LRPPRC: variants seen among roughly 807,000 people sequenced by gnomAD.
The protein encoded by LRPPRC is leucine-rich PPR motif-containing protein, mitochondrial.
A neutral mutation model predicts 180.3 loss-of-function variants in LRPPRC; 120 were observed. The observed-to-expected ratio is 0.67, with a 90% CI of 0.57 to 0.77. The LOEUF (loss-of-function observed/expected upper bound fraction) is 0.77, where lower values mean the gene tolerates loss of function less well. Among genes scored for constraint, LRPPRC ranks in the 30% least tolerant of loss-of-function variants. The pLI is 0.00. For missense variants in LRPPRC, 2,012 were observed against 1,657.2 expected (o/e 1.21, Z -3.72); for synonymous variants, 723 against 600.0 (o/e 1.21, Z -3.00).
intron 1 of LRPPRC, among the ~76,000 whole-genome samples, chr2:43,994,135 T>C (rs951743522): frequency 2.6e-5 from 4 of 151,816 alleles, no homozygotes; most frequent in African/African-American, 9.7e-5. Context: ...AAAATAAGAG[T>C]AATGGGCACA....
chr2:43,966,196 C>T (rs1171297366), intron 11 of LRPPRC, among the ~76,000 whole-genome samples: 1 of 151,550 alleles, frequency 6.6e-6, no homozygotes, highest in East Asian at 1.9e-4. Context: ...TGAAATAAGC[C>T]AGATACAGAA....
chr2:43,974,649 A>G lies in LRPPRC; in HGVS notation c.974T>C (p.Leu325Ser). 1 of 1,609,472 alleles carries G rather than the reference A, an allele frequency of 6.2e-7. No homozygotes were observed. The highest frequency in any genetic ancestry group is 1.1e-5 in the South Asian group (1 of 90,908). The change falls in exon 8 of 38, where the codon TTG (leucine) becomes TCG (serine). Residue 325 changes from leucine to serine, a missense_variant. Transcript: ENST00000260665. The part of the protein sequence containing the change: ...AGYPQYVSEI[L>S]EKVTCERRYI... ...TCTTCTTTCACATGTAACTTTTTCC[A>G]AAATTTCTGAGACATACTGAGGATA...
chr2:43,958,797 C>T (rs1673224068), intron 13 of LRPPRC, among the ~76,000 whole-genome samples: 1 of 152,124 alleles, frequency 6.6e-6, no homozygotes, highest in Non-Finnish European at 1.5e-5. Flanking sequence ...TAAGAGCTGC[C>T]TGAAGCACGT....
intron 14 of LRPPRC, among the ~76,000 whole-genome samples, chr2:43,950,833 G>A (rs1030278548): frequency 6.6e-6 from 1 of 152,212 alleles, no homozygotes; most frequent in Non-Finnish European, 1.5e-5. Flanking sequence ...ACTTTGGGAG[G>A]CCAAGGCAGG....
chr2:43,986,703 A>C (rs1380987782), intron 1 of LRPPRC, among the ~76,000 whole-genome samples: 2 of 97,748 alleles, frequency 2.0e-5, no homozygotes, highest in Non-Finnish European at 4.1e-5. Context: ...AGACGGTCTC[A>C]TTCTGAGACG....
chr2:43,952,120 G>T (rs766762637), intron 14 of LRPPRC, among the ~76,000 whole-genome samples: 12 of 152,140 alleles, frequency 7.9e-5, no homozygotes, highest in Non-Finnish European at 1.8e-4. Context: ...TTGAACCCGG[G>T]AGGCGGAGGT....
intron 14 of LRPPRC, among the ~76,000 whole-genome samples, chr2:43,955,734 T>G (rs1203493626): frequency 6.6e-6 from 1 of 151,852 alleles, no homozygotes; most frequent in Non-Finnish European, 1.5e-5. Flanking sequence ...CGAGACCCTA[T>G]CTCAAAAAAA....
In LRPPRC at chr2:43,899,559, A is replaced by T. The variant is rs745745081; in HGVS notation, c.3616T>A (p.Ser1206Thr). Residue 1206 changes from serine to threonine, a missense_variant, in exon 33 of 38, where the codon TCA (serine) becomes ACA (threonine). Coordinates refer to ENST00000260665, the MANE Select transcript of LRPPRC (RefSeq NM_133259.4). ...AIENIENMLT[S>T]ENKVIEPQYF... is the part of the protein sequence containing the mutation. ...TGGGGTTCAATGACTTTATTCTCTG[A>T]AGTAAGCATATTTTCAATGTTTTCT... 9.3e-6 allele frequency: 15 copies of T among 1,610,204 alleles called. No homozygotes were observed. In the Admixed American group the frequency reaches 1.0e-4, roughly 11 times the overall value.
At chr2:43,935,704 A>C (rs1249603366) in intron 23 of LRPPRC, among the ~76,000 whole-genome samples, 1 of 152,202 alleles carries the variant, frequency 6.6e-6, no homozygotes, top group South Asian at 2.1e-4. Context: ...ATTTACTTTA[A>C]CCCTGTCTTT....
chr2:43,893,991 G>A (rs1031433363), intron 36 of LRPPRC, among the ~76,000 whole-genome samples: 2 of 152,132 alleles, frequency 1.3e-5, no homozygotes, highest in Non-Finnish European at 2.9e-5. Flanking sequence ...GGAAACTTTA[G>A]ACAATTTCCT....
chr2:43,918,415 A>G lies in LRPPRC; in HGVS notation c.2897-17T>C. 1 of 1,578,668 alleles carries G rather than the reference A, an allele frequency of 6.3e-7. No homozygotes were observed. The highest frequency in any genetic ancestry group is 8.7e-7 in the Non-Finnish European group (1 of 1,148,300). On this transcript the variant is annotated splice_polypyrimidine_tract_variant and intron_variant, in intron 27 of 37. Transcript: ENST00000260665. ...CGTTTATTTCTGTAGAATTTGATTA[A>G]GCAGAAATTAATCAATAAATATGCT...
At chr2:43,894,503 G>T (rs1670610734) in intron 36 of LRPPRC, 42 bp downstream of exon 36, 3 of 943,454 alleles carry the variant, frequency 3.2e-6, no homozygotes, top group African/African-American at 3.3e-5. Context: ...AAATAATAAA[G>T]CCATTTAAAT....
At chr2:43,963,887 TTTC>T (rs1216420022) in intron 11 of LRPPRC, 181 bp from the exon 12 acceptor site, 2 of 619,204 alleles carry the variant, frequency 3.2e-6, no homozygotes, top group African/African-American at 1.8e-5. Flanking sequence ...TAACTCCTCC[TTTC>T]TTCATCCCCC....
rs753777454 is a variant in LRPPRC at position 43,948,438 on chromosome 2, G to C, written c.1816C>G (p.Gln606Glu). Residue 606 changes from glutamine (Q) to glutamate (E), a missense_variant, in exon 17 of 38, where the codon CAA becomes GAA. Coordinates refer to ENST00000260665, the MANE Select transcript of LRPPRC (RefSeq NM_133259.4). ...EVQAKEEHLR[Q>E]YFHQLEKMNV... ...ATCTTCTCCAGCTGATGGAAGTATT[G>C]TCTCAAATGCTCCTCCTTGGCCTGT... is the stretch of plus-strand genomic sequence containing the variant. 2 of 1,612,130 alleles carry C rather than the reference G, an allele frequency of 1.2e-6. No homozygotes were observed. Among genetic ancestry groups the C allele is most frequent in the Non-Finnish European group, 1.7e-6 (2 of 1,178,362 alleles).
chr2:43,937,695 T>G (rs1672325328), intron 23 of LRPPRC, among the ~76,000 whole-genome samples: 1 of 152,172 alleles, frequency 6.6e-6, no homozygotes, highest in Admixed American at 6.5e-5. Flanking sequence ...CTCAAGGACA[T>G]TTGGGTTCCC....
At chr2:43,979,631 T>C (rs1674215394) in intron 3 of LRPPRC, among the ~76,000 whole-genome samples, 195 bp downstream of exon 3, 2 of 152,226 alleles carry the variant, frequency 1.3e-5, no homozygotes, top group African/African-American at 2.4e-5. Context: ...TAAGTAATAC[T>C]TGTTATGAAA....
chr2:43,996,152 GC>G (rs1247723004), upstream of LRPPRC: 2 of 541,684 alleles, frequency 3.7e-6, no homozygotes, highest in Non-Finnish European at 6.5e-6. Context: ...AAACGATGTT[GC>G]TTGATTCATT....
chr2:43,935,778 AAAAAT>A (rs1239645934), intron 23 of LRPPRC, among the ~76,000 whole-genome samples: 1 of 152,234 alleles, frequency 6.6e-6, no homozygotes, highest in Non-Finnish European at 1.5e-5. Flanking sequence ...GTAATATAAA[AAAAAT>A]AAAATAAAAG....
intron 34 of LRPPRC, among the ~76,000 whole-genome samples, chr2:43,898,897 A>G (rs746312402): frequency 9.9e-5 from 15 of 152,192 alleles, no homozygotes; most frequent in Non-Finnish European, 2.1e-4. Context: ...GTTGTTTTGC[A>G]TTATCTATCT....
Sources: gnomAD v4.1 joint callset for allele counts (sites outside exome capture counted in the v4.1 genomes callset) on GRCh38, gnomAD v4.1.1 for gene constraint, MANE v1.5 for transcripts, NCBI Gene and HGNC (gene_info 2026-07-23, HGNC 2026-07-21) for gene names.